The following CLVS1 variants were observed in gnomAD, a reference collection of about 807,000 sequenced individuals.
CLVS1 encodes the protein clavesin-1.
A neutral mutation model predicts 33.1 loss-of-function variants in CLVS1; 10 were observed. That is an observed-to-expected ratio of 0.30 (90% CI 0.19 to 0.51). The LOEUF (loss-of-function observed/expected upper bound fraction) is 0.51, where lower values mean the gene tolerates loss of function less well. CLVS1 is among the 20% of genes least tolerant of loss of function. The pLI is 0.97. For missense variants in CLVS1, 343 were observed against 433.4 expected (o/e 0.79, Z 1.85); for synonymous variants, 163 against 166.1 (o/e 0.98, Z 0.14).
chr8:61,240,895 T>TTTTTTTTTTTG (rs1808685028), intron 2 of CLVS1, among the ~76,000 whole-genome samples: 1 of 30,370 alleles, frequency 3.3e-5, no homozygotes, highest in Admixed American at 3.8e-4. Flanking sequence ...TTGCTGTAGG[T>TTTTTTTTTTTG]TTTTTTTTTT....
intron 2 of CLVS1, among the ~76,000 whole-genome samples, chr8:61,259,338 C>T (rs1445325315): frequency 2.0e-5 from 3 of 152,150 alleles, no homozygotes; most frequent in Non-Finnish European, 4.4e-5. Context: ...CACCATGGTA[C>T]ATTCACTCGT....
At chr8:61,112,481 T>G (rs1017628711) in intron 1 of CLVS1, among the ~76,000 whole-genome samples, 1 of 152,256 alleles carries the variant, frequency 6.6e-6, no homozygotes, top group African/African-American at 2.4e-5. Flanking sequence ...TGTGAAACTT[T>G]CCACATTTTT....
At chr8:61,229,235 ATC>A (rs1315864845) in intron 2 of CLVS1, among the ~76,000 whole-genome samples, 1 of 152,216 alleles carries the variant, frequency 6.6e-6, no homozygotes, top group East Asian at 1.9e-4. Context: ...TCCTTCAGAA[ATC>A]TTTATTGAGT....
intron 3 of CLVS1, among the ~76,000 whole-genome samples, chr8:61,434,039 C>T (rs181339734): frequency 6.6e-6 from 1 of 152,010 alleles, no homozygotes; most frequent in Admixed American, 6.6e-5. Flanking sequence ...TGGTAGGATC[C>T]TGGAGGGCTA....
chr8:61,282,819 A>G (rs1412466594), intron 2 of CLVS1, among the ~76,000 whole-genome samples: 4 of 152,234 alleles, frequency 2.6e-5, no homozygotes, highest in Non-Finnish European at 4.4e-5. Flanking sequence ...GGACTAACAC[A>G]TAGTGTGGCT....
At chr8:61,021,865 C>T in the CLVS1 span, among the ~76,000 whole-genome samples, 5 of 152,068 alleles carry the variant, frequency 3.3e-5, no homozygotes, top group Non-Finnish European at 7.4e-5. Flanking sequence ...TATAGTTTTT[C>T]AGCCCTTTCC....
chr8:61,222,572 T>G (rs1585701639), intron 2 of CLVS1, among the ~76,000 whole-genome samples: 1 of 152,240 alleles, frequency 6.6e-6, no homozygotes. Flanking sequence ...CTTTTGCATG[T>G]GCTGAGGCGT....
chr8:61,296,236 T>C (rs956729295), intron 1 of CLVS1, among the ~76,000 whole-genome samples: 5 of 152,212 alleles, frequency 3.3e-5, no homozygotes, highest in African/African-American at 1.2e-4. Context: ...TGACCCTGGC[T>C]TAAGCATTCT....
At chr8:61,057,096 C>G (rs1804485127), upstream of CLVS1, 1 of 152,108 alleles carries the variant, frequency 6.6e-6, no homozygotes, top group South Asian at 2.1e-4. Flanking sequence ...GCACAATTAC[C>G]CCCACATGAC....
chr8:61,212,346 G>A (rs541664104), intron 2 of CLVS1, among the ~76,000 whole-genome samples: 1 of 152,290 alleles, frequency 6.6e-6, no homozygotes, highest in South Asian at 2.1e-4. Context: ...ATTTCAGAGA[G>A]GGAGCATCAG....
intron 5 of CLVS1, among the ~76,000 whole-genome samples, chr8:61,491,118 G>C (rs1157333750): frequency 6.6e-6 from 1 of 152,182 alleles, no homozygotes; most frequent in Non-Finnish European, 1.5e-5. Context: ...TGTTGAGATA[G>C]AGAAGAGTTA....
chr8:61,242,035 A>T (rs952175848), intron 2 of CLVS1, among the ~76,000 whole-genome samples: 4 of 102,864 alleles, frequency 3.9e-5, no homozygotes, highest in African/African-American at 2.4e-4. Flanking sequence ...ATTTCCCTGT[A>T]TGTAATACTT....
At chr8:61,344,116 C>A (rs1397883695) in intron 2 of CLVS1, among the ~76,000 whole-genome samples, 2 of 151,922 alleles carry the variant, frequency 1.3e-5, no homozygotes, top group African/African-American at 2.4e-5. Flanking sequence ...AATTTTTTCA[C>A]AAAAATTGTA....
intron 4 of CLVS1, 105 bp from the exon 5 acceptor site, chr8:61,458,202 C>A (rs1017186992): frequency 1.3e-6 from 1 of 762,278 alleles, no homozygotes; most frequent in African/African-American, 1.7e-5. Flanking sequence ...ACTGTGATCA[C>A]CAGCAGTGCA....
chr8:61,328,423 G>C (rs1308497811), intron 2 of CLVS1, among the ~76,000 whole-genome samples: 1 of 152,140 alleles, frequency 6.6e-6, no homozygotes, highest in Non-Finnish European at 1.5e-5. Flanking sequence ...CACACAGGAT[G>C]GGCAGGATTT....
intron 2 of CLVS1, among the ~76,000 whole-genome samples, chr8:61,178,180 C>G (rs1486398956): frequency 6.6e-6 from 1 of 152,068 alleles, no homozygotes; most frequent in African/African-American, 2.4e-5. Flanking sequence ...AAAAACACAG[C>G]ACAAGAACAT....
Position 61,085,298 on chromosome 8 carries a change from A to G in CLVS1, c.-243+28068A>G, listed in dbSNP as rs1320782492. ...TTAATGAAATAGTACAACAACAATT[A>G]TTACTTTTCCGCTGTCCCAAAACAT... On this transcript the variant is annotated intron_variant, in intron 1 of 2. Coordinates refer to the CLVS1 transcript ENST00000522621. Among the ~76,000 whole-genome samples the G allele has an allele frequency of 2.0e-5, 3 of 152,158 alleles. No individual in the cohort carries two copies. In the East Asian group the frequency reaches 5.8e-4, roughly 29 times the overall value.
intron 2 of CLVS1, among the ~76,000 whole-genome samples, chr8:61,278,329 A>G (rs1563474293): frequency 6.6e-6 from 1 of 152,258 alleles, no homozygotes; most frequent in Non-Finnish European, 1.5e-5. Flanking sequence ...GCACTATGCC[A>G]TTGAACATCT....
chr8:60,979,265 A>G, the CLVS1 span, among the ~76,000 whole-genome samples: 2 of 152,358 alleles, frequency 1.3e-5, no homozygotes, highest in Admixed American at 6.5e-5. Context: ...GAAGATGAGC[A>G]TCAAGGTTTG....
Sources: allele counts gnomAD v4.1 joint callset (sites outside exome capture counted in the v4.1 genomes callset), GRCh38; gene constraint gnomAD v4.1.1; transcripts MANE v1.5; gene names NCBI Gene and HGNC (gene_info 2026-07-23, HGNC 2026-07-21).